Variants in SRP54 observed in about 807,000 individuals in gnomAD.
SRP54 encodes the protein signal recognition particle 54, also known as signal recognition particle subunit SRP54.
A neutral mutation model predicts 64.8 loss-of-function variants in SRP54; 10 were observed. That is an observed-to-expected ratio of 0.15 (90% CI 0.10 to 0.26). SRP54 has a LOEUF of 0.26. Among genes scored for constraint, SRP54 ranks in the 10% least tolerant of loss-of-function variants. The probability of loss-of-function intolerance (pLI) is 1.00; values close to 1 mark genes in which losing one functional copy is unlikely to be tolerated. For missense variants in SRP54, 325 were observed against 613.7 expected (o/e 0.53, Z 4.97); for synonymous variants, 193 against 185.6 (o/e 1.04, Z -0.32).
intron 1 of SRP54, among the ~76,000 whole-genome samples, chr14:34,988,560 C>CAAAAAAAAA (rs1160365086): frequency 1.9e-4 from 5 of 26,354 alleles, no homozygotes; most frequent in Admixed American, 4.0e-4. Flanking sequence ...GACTCCATCT[C>CAAAAAAAAA]AAAAAAAAAA....
intron 1 of SRP54, among the ~76,000 whole-genome samples, chr14:34,996,224 T>G (rs1594983826): frequency 6.6e-6 from 1 of 152,316 alleles, no homozygotes; most frequent in East Asian, 1.9e-4. Flanking sequence ...AAAACCTTTT[T>G]TCTTTTTTTT....
chr14:35,007,531 A>G (rs1470860950), intron 5 of SRP54, 144 bp downstream of exon 5: 2 of 204,424 alleles, frequency 9.8e-6, no homozygotes, highest in African/African-American at 4.8e-5. Context: ...GAATGCATTT[A>G]TATATTATAA....
intron 14 of SRP54, among the ~76,000 whole-genome samples, chr14:35,026,781 A>G (rs1025654405): frequency 1.3e-5 from 2 of 152,046 alleles, no homozygotes; most frequent in Non-Finnish European, 2.9e-5. Context: ...TGTCTCTACT[A>G]AAAATACAAA....
chr14:35,000,350 G>A (rs531360664), intron 3 of SRP54, among the ~76,000 whole-genome samples: 2 of 152,052 alleles, frequency 1.3e-5, no homozygotes, highest in Admixed American at 6.6e-5. Context: ...GGTGGATCAC[G>A]AGGTCAGGAG....
At chr14:34,988,665 A>G (rs2043941281) in intron 1 of SRP54, among the ~76,000 whole-genome samples, 2 of 148,324 alleles carry the variant, frequency 1.3e-5, no homozygotes, top group South Asian at 4.2e-4. Flanking sequence ...AACTAAATTT[A>G]CTTTTCTGTG....
intron 1 of SRP54, among the ~76,000 whole-genome samples, chr14:34,992,938 C>T (rs2044004660): frequency 6.6e-6 from 1 of 152,032 alleles, no homozygotes. Flanking sequence ...CGGCTCATTG[C>T]AACCTCCACC....
chr14:35,026,234 G>GTT (rs1286337987), intron 14 of SRP54, among the ~76,000 whole-genome samples: 1 of 147,414 alleles, frequency 6.8e-6, no homozygotes, highest in African/African-American at 2.5e-5. Context: ...GTTTTGTTTT[G>GTT]TTTTGAGACA....
At chr14:35,025,108 C>T (rs939092608) in intron 14 of SRP54, among the ~76,000 whole-genome samples, 5 of 152,178 alleles carry the variant, frequency 3.3e-5, no homozygotes, top group East Asian at 1.9e-4. Flanking sequence ...TATTATGTAT[C>T]GTAAAAAGAT....
At chr14:34,988,578 A>AAATATAT (rs1384552218) in intron 1 of SRP54, among the ~76,000 whole-genome samples, 20 of 47,102 alleles carry the variant, frequency 4.2e-4, no homozygotes, top group Non-Finnish European at 7.7e-4. Flanking sequence ...AAAAAAAAAA[A>AAATATAT]ATATATATAT....
At chr14:35,014,275 CTTT>C (rs1269464538) in intron 10 of SRP54, among the ~76,000 whole-genome samples, 3 of 102,202 alleles carry the variant, frequency 2.9e-5, no homozygotes, top group Non-Finnish European at 2.1e-5. Context: ...TGCCACTTAA[CTTT>C]TTTTTTTTTT....
chr14:35,009,801 G>A (rs2044325670), intron 7 of SRP54, among the ~76,000 whole-genome samples: 1 of 152,104 alleles, frequency 6.6e-6, no homozygotes, highest in Non-Finnish European at 1.5e-5. Flanking sequence ...GCTGAGGTGG[G>A]AGGATTGCTT....
chr14:35,016,719 T>C (rs1470143042), intron 11 of SRP54, among the ~76,000 whole-genome samples: 6 of 152,192 alleles, frequency 3.9e-5, no homozygotes, highest in Admixed American at 3.3e-4. Flanking sequence ...AGGTCATAGC[T>C]GGGTTACTCA....
chr14:35,013,292 C>T (rs1451438580), intron 8 of SRP54, 54 bp from the exon 9 acceptor site: 2 of 1,508,406 alleles, frequency 1.3e-6, no homozygotes, highest in Non-Finnish European at 1.8e-6. Flanking sequence ...ATGACATTTG[C>T]TTAGGATCAA....
chr14:34,985,746 A>G (rs2043885334), intron 1 of SRP54, among the ~76,000 whole-genome samples: 1 of 152,344 alleles, frequency 6.6e-6, no homozygotes, highest in Non-Finnish European at 1.5e-5. Flanking sequence ...GAAAGTTTTC[A>G]AAACATAAAT....
At chr14:35,007,015 C>T (rs2044266966) in intron 4 of SRP54, among the ~76,000 whole-genome samples, 2 of 151,950 alleles carry the variant, frequency 1.3e-5, no homozygotes. Flanking sequence ...ATGGCAAGAC[C>T]CTGTCTCTAC....
chr14:35,013,760 G>C, intron 9 of SRP54, 42 bp from the exon 10 acceptor site: 2 of 1,516,768 alleles, frequency 1.3e-6, no homozygotes, highest in Non-Finnish European at 1.8e-6. Flanking sequence ...GAAATTTGTG[G>C]GGTTCTTTTG....
chr14:35,013,713 T>A (rs1566652513), intron 9 of SRP54, 89 bp from the exon 10 acceptor site: 4 of 1,233,834 alleles, frequency 3.2e-6, no homozygotes, highest in Non-Finnish European at 4.6e-6. Flanking sequence ...TCTAATTAGC[T>A]TTGGAGGCGG....
chr14:35,008,435 A>G (rs2044301450), intron 5 of SRP54, among the ~76,000 whole-genome samples, 192 bp from the exon 6 acceptor site: 1 of 152,234 alleles, frequency 6.6e-6, no homozygotes, highest in South Asian at 2.1e-4. Flanking sequence ...TTTGAATGCT[A>G]CTGCATGACA....
intron 1 of SRP54, among the ~76,000 whole-genome samples, chr14:34,984,647 G>T (rs974558901): frequency 6.6e-6 from 1 of 152,116 alleles, no homozygotes; most frequent in African/African-American, 2.4e-5. Context: ...GATTACAGGT[G>T]CCTGCCACCA....
Sources: gnomAD v4.1 joint callset for allele counts (sites outside exome capture counted in the v4.1 genomes callset) on GRCh38, gnomAD v4.1.1 for gene constraint, MANE v1.5 for transcripts, NCBI Gene and HGNC (gene_info 2026-07-23, HGNC 2026-07-21) for gene names.